The following PRKG1 variants were observed in gnomAD, a reference collection of about 807,000 sequenced individuals.
PRKG1 encodes the protein protein kinase cGMP-dependent 1.
A neutral mutation model predicts 88.1 loss-of-function variants in PRKG1; 35 were observed. The observed-to-expected ratio is 0.40, with a 90% CI of 0.30 to 0.53. The LOEUF is 0.53. Ranked by LOEUF, PRKG1 falls within the 20% of genes least tolerant of loss-of-function variation. The pLI, the probability that PRKG1 is intolerant of heterozygous loss-of-function variation, is 0.59. For synonymous variants in PRKG1, 303 were observed against 292.5 expected, an observed-to-expected ratio of 1.04 and a Z score of -0.37; for missense variants, 540 against 839.8, an observed-to-expected ratio of 0.64 and a Z score of 4.41.
At chr10:51,069,815 C>T (rs920836267), upstream of PRKG1, among the ~76,000 whole-genome samples, 17 of 151,922 alleles carry the variant, frequency 1.1e-4, no homozygotes, top group African/African-American at 3.6e-4. Context: ...CTGGTTTGCC[C>T]GAGACTGGAA....
chr10:52,124,564 T>C (rs1847888993), intron 7 of PRKG1, among the ~76,000 whole-genome samples: 1 of 152,304 alleles, frequency 6.6e-6, no homozygotes, highest in South Asian at 2.1e-4. Flanking sequence ...AGGAAATTAC[T>C]GTACACCACT....
chr10:51,565,700 A>G (rs1837583706), intron 3 of PRKG1, among the ~76,000 whole-genome samples: 1 of 152,098 alleles, frequency 6.6e-6, no homozygotes, highest in Admixed American at 6.6e-5. Flanking sequence ...AACTTAAAAC[A>G]CTTGTTCCTG....
intron 3 of PRKG1, among the ~76,000 whole-genome samples, chr10:51,497,078 GCTCTGAGTTTTAGACCCACATACAGTA>G (rs1418650980): frequency 6.6e-6 from 1 of 152,134 alleles, no homozygotes; most frequent in Admixed American, 6.5e-5. Context: ...TTGAATGAGA[GCTCTGAGTTTTAGACCCACATACAGTA>G]CTAGCTAGTT....
chr10:52,026,962 G>A (rs1357386668), intron 5 of PRKG1, among the ~76,000 whole-genome samples: 1 of 152,036 alleles, frequency 6.6e-6, no homozygotes, highest in Non-Finnish European at 1.5e-5. Flanking sequence ...GGGCGACAGA[G>A]TAAGACTCCG....
chr10:51,542,993 A>G (rs78054520), intron 3 of PRKG1, among the ~76,000 whole-genome samples: 37 of 152,336 alleles, frequency 2.4e-4, no homozygotes, highest in African/African-American at 8.4e-4. Flanking sequence ...ACCCATAAAC[A>G]GGAGTGGCGC....
intron 2 of PRKG1, among the ~76,000 whole-genome samples, chr10:51,291,085 AT>A (rs1165079072): frequency 1.3e-5 from 2 of 152,164 alleles, no homozygotes; most frequent in Non-Finnish European, 2.9e-5. Flanking sequence ...TTATTTCTTC[AT>A]AGAACACAGA....
chr10:52,292,129 T>A (rs1180234543), intron 17 of PRKG1, among the ~76,000 whole-genome samples: 1 of 151,984 alleles, frequency 6.6e-6, no homozygotes, highest in Admixed American at 6.6e-5. Flanking sequence ...TTCTTGTAAA[T>A]TTGTTTGAGT....
At chr10:51,086,800 G>C (rs1178508763) in intron 1 of PRKG1, among the ~76,000 whole-genome samples, 1 of 152,146 alleles carries the variant, frequency 6.6e-6, no homozygotes, top group Non-Finnish European at 1.5e-5. Context: ...TCTCATCTGA[G>C]GTTCGTCTTA....
chr10:51,138,687 T>TTTG (rs1845751545), intron 1 of PRKG1, among the ~76,000 whole-genome samples: 2 of 131,814 alleles, frequency 1.5e-5, no homozygotes, highest in Non-Finnish European at 3.3e-5. Context: ...TTTTTTTTTT[T>TTTG]TTTTTTTTTT....
chr10:51,917,316 C>G (rs1589419771), intron 5 of PRKG1, among the ~76,000 whole-genome samples: 1 of 122,584 alleles, frequency 8.2e-6, no homozygotes, highest in East Asian at 2.2e-4. Flanking sequence ...AAGACTCCAT[C>G]TCAAAAAAAA....
At chr10:51,381,188 T>C (rs2947797) in intron 2 of PRKG1, among the ~76,000 whole-genome samples, 130,411 of 146,896 alleles carry the variant, frequency 0.89, 58,008 homozygotes, top group East Asian at 0.99. Context: ...ACCCAGGAGG[T>C]GGAGGTTTCA....
intron 2 of PRKG1, among the ~76,000 whole-genome samples, chr10:51,340,604 C>T (rs1310889352): frequency 3.3e-5 from 5 of 152,118 alleles, no homozygotes; most frequent in Admixed American, 6.6e-5. Context: ...GCATAATGCC[C>T]TACTAAGAGA....
intron 7 of PRKG1, among the ~76,000 whole-genome samples, chr10:52,085,250 TCTCCCTCC>T (rs914683754): frequency 3.3e-5 from 5 of 151,774 alleles, no homozygotes; most frequent in African/African-American, 7.3e-5. Context: ...ATCAAATTAT[TCTCCCTCC>T]CTCCCTCCCT....
At chr10:51,760,207 T>C (rs943979071) in intron 3 of PRKG1, among the ~76,000 whole-genome samples, 3 of 152,250 alleles carry the variant, frequency 2.0e-5, no homozygotes, top group African/African-American at 7.2e-5. Context: ...CTTCCAGTTT[T>C]GACAGTTATT....
At chr10:51,335,263 C>G (rs569943783) in intron 2 of PRKG1, among the ~76,000 whole-genome samples, 3 of 152,102 alleles carry the variant, frequency 2.0e-5, no homozygotes, top group African/African-American at 7.2e-5. Context: ...CTGTCTAAAT[C>G]TGTAATATTT....
At chr10:51,413,869 G>C (rs1004210619) in intron 2 of PRKG1, among the ~76,000 whole-genome samples, 2 of 152,052 alleles carry the variant, frequency 1.3e-5, no homozygotes, top group Admixed American at 1.3e-4. Flanking sequence ...GTTTGTTGTT[G>C]CTGTTGTTGT....
chr10:52,182,754 G>A (rs979991430), intron 9 of PRKG1, among the ~76,000 whole-genome samples: 1 of 149,514 alleles, frequency 6.7e-6, no homozygotes, highest in South Asian at 2.2e-4. Context: ...TAGATATGCG[G>A]CATTATTTCT....
chr10:51,873,780 C>T (rs1841219727), intron 4 of PRKG1, among the ~76,000 whole-genome samples: 2 of 152,238 alleles, frequency 1.3e-5, no homozygotes, highest in East Asian at 1.9e-4. Flanking sequence ...CCACTCGCCT[C>T]GGCCTCCCAA....
At chr10:52,190,276 T>A (rs1839329377) in intron 9 of PRKG1, among the ~76,000 whole-genome samples, 1 of 152,188 alleles carries the variant, frequency 6.6e-6, no homozygotes, top group Admixed American at 6.5e-5. Flanking sequence ...AATGCTCAAG[T>A]AATTGAAATG....
Sources: gnomAD v4.1 joint callset for allele counts (sites outside exome capture counted in the v4.1 genomes callset) on GRCh38, gnomAD v4.1.1 for gene constraint, MANE v1.5 for transcripts, NCBI Gene and HGNC (gene_info 2026-07-23, HGNC 2026-07-21) for gene names.